The following KCNN2 variants were observed in gnomAD, a reference collection of about 807,000 sequenced individuals.
The protein encoded by KCNN2 is potassium calcium-activated channel subfamily N member 2.
Under a neutral mutation model 55.5 loss-of-function variants are expected in KCNN2, and 24 were observed. The ratio of observed to expected loss-of-function variants is 0.43; its 90% confidence interval spans 0.31 to 0.61. KCNN2 has a LOEUF of 0.61. Among genes scored for constraint, KCNN2 ranks in the 20% least tolerant of loss-of-function variants. KCNN2 has a pLI of 0.08. For missense variants in KCNN2, 754 were observed against 853.6 expected (o/e 0.88, Z 1.45); for synonymous variants, 431 against 336.1 (o/e 1.28, Z -3.09).
chr5:114,329,085 T>C (rs921620428), intron 2 of KCNN2, among the ~76,000 whole-genome samples: 13 of 152,208 alleles, frequency 8.5e-5, no homozygotes, highest in Admixed American at 4.6e-4. Flanking sequence ...CCTAGATACA[T>C]GTTCTTTCTA....
intron 1 of KCNN2, among the ~76,000 whole-genome samples, chr5:114,207,504 C>T (rs1753800034): frequency 6.6e-6 from 1 of 152,096 alleles, no homozygotes; most frequent in African/African-American, 2.4e-5. Flanking sequence ...TGCAGAAAGA[C>T]CTGTAAATTT....
intron 2 of KCNN2, among the ~76,000 whole-genome samples, chr5:114,386,962 G>A (rs1758308905): frequency 6.6e-6 from 1 of 152,054 alleles, no homozygotes; most frequent in African/African-American, 2.4e-5. Flanking sequence ...GTACTTTTGT[G>A]TTAGGCCAGT....
intron 1 of KCNN2, among the ~76,000 whole-genome samples, chr5:114,137,539 T>C (rs936496424): frequency 1.3e-4 from 20 of 151,584 alleles, no homozygotes; most frequent in African/African-American, 4.9e-4. Context: ...AAAAGTAAAT[T>C]AAATAATAAA....
chr5:114,090,524 ACTCTTCCTCTCTTTCT>A (rs1259800833), intron 1 of KCNN2, among the ~76,000 whole-genome samples: 5 of 145,660 alleles, frequency 3.4e-5, no homozygotes, highest in Non-Finnish European at 6.1e-5. Context: ...TCTCTCCCTC[ACTCTTCCTCTCTTTCT>A]CTCTTCCTCT....
intron 1 of KCNN2, among the ~76,000 whole-genome samples, chr5:114,107,008 T>G (rs914791358): frequency 6.6e-6 from 1 of 152,084 alleles, no homozygotes; most frequent in Non-Finnish European, 1.5e-5. Flanking sequence ...TAATTTTACC[T>G]TTCACATTTA....
chr5:114,138,470 C>G (rs1183097635), intron 1 of KCNN2, among the ~76,000 whole-genome samples: 3 of 152,232 alleles, frequency 2.0e-5, no homozygotes, highest in South Asian at 2.1e-4. Context: ...AAAAGTCAGA[C>G]AAAGTTTCCT....
chr5:114,196,992 C>T (rs1753571008), intron 1 of KCNN2, among the ~76,000 whole-genome samples: 1 of 152,024 alleles, frequency 6.6e-6, no homozygotes, highest in African/African-American at 2.4e-5. Flanking sequence ...ATAAATTTCA[C>T]TTTAAGCACA....
At chr5:114,109,182 G>A (rs1350977252) in intron 1 of KCNN2, among the ~76,000 whole-genome samples, 1 of 152,060 alleles carries the variant, frequency 6.6e-6, no homozygotes, top group African/African-American at 2.4e-5. Context: ...CTCATGGATT[G>A]TTGGACAGAG....
At chr5:114,290,388 A>G (rs1293621181) in intron 2 of KCNN2, among the ~76,000 whole-genome samples, 1 of 152,108 alleles carries the variant, frequency 6.6e-6, no homozygotes, top group Non-Finnish European at 1.5e-5. Flanking sequence ...TTGGCATATA[A>G]TTACTTATAG....
At chr5:114,490,025 A>G (rs566971430) in intron 6 of KCNN2, among the ~76,000 whole-genome samples, 7 of 152,280 alleles carry the variant, frequency 4.6e-5, no homozygotes, top group Admixed American at 3.9e-4. Context: ...TGGATGCTGA[A>G]CTGTCCAGGC....
intron 1 of KCNN2, among the ~76,000 whole-genome samples, chr5:114,075,322 A>G (rs1750663135): frequency 6.6e-6 from 1 of 152,224 alleles, no homozygotes; most frequent in Non-Finnish European, 1.5e-5. Context: ...GAAGCAAATC[A>G]TCTGAGGAAT....
chr5:114,475,438 G>A (rs1209503019), intron 5 of KCNN2, among the ~76,000 whole-genome samples: 1 of 151,972 alleles, frequency 6.6e-6, no homozygotes, highest in Non-Finnish European at 1.5e-5. Context: ...ACCTTTTAAT[G>A]TGCTGTTCCA....
At chr5:114,325,845 T>G (rs1391847831) in intron 2 of KCNN2, among the ~76,000 whole-genome samples, 1 of 152,148 alleles carries the variant, frequency 6.6e-6, no homozygotes, top group African/African-American at 2.4e-5. Flanking sequence ...GGAGGGGGAA[T>G]AGAGTAAATT....
upstream of KCNN2, chr5:114,056,060 G>A (rs1189966500): frequency 3.2e-5 from 9 of 284,230 alleles, no homozygotes; most frequent in Non-Finnish European, 4.5e-5. Flanking sequence ...CAAGAAGGAG[G>A]GAGTCCCCAG....
intron 1 of KCNN2, among the ~76,000 whole-genome samples, chr5:114,176,903 G>GTC (rs146793227): frequency 2.7e-5 from 4 of 150,912 alleles, no homozygotes; most frequent in East Asian, 1.9e-4. Context: ...ACTTTACCTA[G>GTC]TCTCTCTCTC....
intron 2 of KCNN2, among the ~76,000 whole-genome samples, chr5:114,299,276 A>G (rs182024035): frequency 1.3e-5 from 2 of 152,224 alleles, no homozygotes; most frequent in East Asian, 1.9e-4. Context: ...GTTGGGAGCA[A>G]CTTAGGTCCG....
chr5:114,260,303 C>G (rs1048972429), intron 2 of KCNN2, among the ~76,000 whole-genome samples: 1 of 152,214 alleles, frequency 6.6e-6, no homozygotes, highest in East Asian at 1.9e-4. Context: ...GTGCCATTCC[C>G]TGGCCTATAA....
chr5:114,074,155 A>G, intron 1 of KCNN2, among the ~76,000 whole-genome samples: 1 of 152,198 alleles, frequency 6.6e-6, no homozygotes, highest in East Asian at 1.9e-4. Flanking sequence ...TATTCAGACT[A>G]GGTAAAATTC....
chr5:114,213,697 C>T (rs1025548623), intron 1 of KCNN2, among the ~76,000 whole-genome samples: 2 of 151,918 alleles, frequency 1.3e-5, no homozygotes, highest in African/African-American at 4.8e-5. Flanking sequence ...TGCAATTTGT[C>T]TTATTATTGC....
Sources: gnomAD v4.1 joint callset for allele counts (sites outside exome capture counted in the v4.1 genomes callset) on GRCh38, gnomAD v4.1.1 for gene constraint, MANE v1.5 for transcripts, NCBI Gene and HGNC (gene_info 2026-07-23, HGNC 2026-07-21) for gene names.